MFN2: variants seen among roughly 807,000 people sequenced by gnomAD.
MFN2 encodes mitofusin 2, also known as mitofusin-2.
MFN2 carries 43 observed loss-of-function variants against 87.5 expected under a neutral mutation model. That is an observed-to-expected ratio of 0.49 (90% CI 0.38 to 0.63). The LOEUF is 0.63. MFN2 is among the 30% of genes least tolerant of loss of function. The pLI is 0.00. For missense variants in MFN2, 743 were observed against 972.8 expected (o/e 0.76, Z 3.14); for synonymous variants, 337 against 359.9 (o/e 0.94, Z 0.72).
At position 12,005,792 on chromosome 1, in the gene MFN2, A is replaced by G. The variant is rs760184781; in HGVS notation, c.1577A>G (p.Tyr526Cys). The change falls in exon 15 of 19, where the codon TAT (tyrosine) becomes TGT (cysteine). Residue 526 changes from tyrosine (Y) to cysteine (C), a missense_variant. Coordinates refer to ENST00000235329, the MANE Select transcript of MFN2 (RefSeq NM_014874.4). ...CCACGCCAGTGCTTCTCCCTCAACT[A>G]TGACCTAAACTGTGACAAGCTGTGT... ...LVPRQCFSLN[Y>C]DLNCDKLCAD... is the part of the protein sequence containing the mutation. The G allele has an allele frequency of 3.7e-6, 6 of 1,614,150 alleles. No homozygotes were observed. The highest frequency in any genetic ancestry group is 1.7e-5 in the Admixed American group (1 of 60,016).
intron 2 of MFN2, among the ~76,000 whole-genome samples, chr1:11,983,982 C>CG (rs1275167226): frequency 6.6e-6 from 1 of 152,132 alleles, no homozygotes; most frequent in Non-Finnish European, 1.5e-5. Context: ...GTAGGTTTTA[C>CG]GCCAGGGGTT....
Position 12,004,200 on chromosome 1 carries a change from G to T in MFN2, c.1287+82G>T. 1 of 1,567,980 alleles carries T rather than the reference G, an allele frequency of 6.4e-7. No individual in the cohort carries two copies. Among genetic ancestry groups the T allele is most frequent in the Non-Finnish European group, 8.7e-7 (1 of 1,146,166 alleles). ...AGAAAGCAGACCTCCTCCTCTTAGG[G>T]ACTTCTCAGCCTTTCAGAAGAAAGT... On this transcript the variant is annotated intron_variant, in intron 12 of 18. Coordinates refer to ENST00000235329, the MANE Select transcript of MFN2 (RefSeq NM_014874.4). This position sits in a 1 kb window ranked among gnomAD's most constrained non-coding sequence, Gnocchi z 4.2.
chr1:11,983,330 C>T (rs1266227647), intron 2 of MFN2, among the ~76,000 whole-genome samples: 1 of 152,196 alleles, frequency 6.6e-6, no homozygotes, highest in African/African-American at 2.4e-5. Context: ...CTCGGCCTCC[C>T]AGAGTGCTGG....
chr1:11,992,713 C>G (rs764750806), intron 4 of MFN2, 23 bp downstream of exon 4: 1 of 1,614,158 alleles, frequency 6.2e-7, no homozygotes, highest in Non-Finnish European at 8.5e-7. Context: ...GGCACCCACC[C>G]TTTCTTTCTT....
chr1:12,006,731 G>A, intron 16 of MFN2, 38 bp downstream of exon 16: 1 of 1,613,100 alleles, frequency 6.2e-7, no homozygotes, highest in Non-Finnish European at 8.5e-7. Flanking sequence ...TGGGGGCGGA[G>A]GGCAGGTGGG....
intron 17 of MFN2, among the ~76,000 whole-genome samples, chr1:12,008,321 G>T (rs1156484311): frequency 1.3e-5 from 2 of 152,106 alleles, no homozygotes; most frequent in African/African-American, 4.8e-5. Context: ...CCCAGAAGGG[G>T]TGGTTGGGCA....
At chr1:12,011,451 C>A (rs1263104563) in intron 18 of MFN2, 45 bp from the exon 19 acceptor site, 1 of 1,603,302 alleles carries the variant, frequency 6.2e-7, no homozygotes, top group African/African-American at 1.3e-5. Context: ...CCTAATACTG[C>A]CTATCATCAG....
chr1:12,003,923 G>A lies in MFN2; in HGVS notation c.1161-69G>A, dbSNP rs1252546774. On this transcript the variant is annotated intron_variant, in intron 11 of 18. Coordinates refer to ENST00000235329, the MANE Select transcript of MFN2 (RefSeq NM_014874.4). This position sits in a 1 kb window ranked among gnomAD's most constrained non-coding sequence, Gnocchi z 4.1. ...GCGGGCAGGGCGGCGTGGGATTTCT[G>A]GCATCCCCTCTTGCTCCTCTGCTTA... is the stretch of plus-strand genomic sequence containing the variant. 2 of 1,606,672 alleles carry A rather than the reference G, an allele frequency of 1.2e-6. No homozygotes were observed. Among genetic ancestry groups the A allele is most frequent in the Admixed American group, 1.7e-5 (1 of 59,918 alleles).
intron 2 of MFN2, among the ~76,000 whole-genome samples, chr1:11,988,078 TAGTTTTTG>T (rs1010670364): frequency 1.1e-5 from 1 of 89,268 alleles, no homozygotes; most frequent in African/African-American, 4.9e-5. Context: ...AATAGACCAA[TAGTTTTTG>T]TGTGTGTGTG....
In MFN2 at chr1:11,998,770, C is replaced by T. The variant is rs2100831560; in HGVS notation, c.600C>T (p.Ser200=). Residue 200 remains serine, a splice_region_variant and synonymous_variant, in exon 7 of 19, where the codon AGC becomes AGT. Transcript: ENST00000235329. ...LLKDDLVLMD[S]PGIDVTTELD... ...TTTGGTTTACCCCTGTCACCTTTAG[C>T]CCTGGTATTGATGTCACCACAGAGC... 2 of 1,613,994 alleles carry T rather than the reference C, an allele frequency of 1.2e-6. No individual in the cohort carries two copies. Among genetic ancestry groups the T allele is most frequent in the South Asian group, 1.1e-5 (1 of 91,076 alleles).
intron 18 of MFN2, 129 bp from the exon 19 acceptor site, chr1:12,011,367 G>A (rs1325827769): frequency 3.1e-6 from 3 of 972,740 alleles, no homozygotes; most frequent in Non-Finnish European, 4.9e-6. Flanking sequence ...TGTGAGACAG[G>A]GATAAACACG....
rs761745930 is a variant in MFN2, at chr1:12,004,472, T to C, written c.1288-37T>C. 4.6e-5 allele frequency: 73 copies of C among 1,584,620 alleles called. No homozygotes were observed. In the South Asian group the frequency reaches 5.2e-4, roughly 11 times the overall value. On this transcript the variant is annotated intron_variant, in intron 12 of 18. Coordinates refer to ENST00000235329, the MANE Select transcript of MFN2 (RefSeq NM_014874.4). The surrounding 1 kb of genome is among the most constrained non-coding windows in gnomAD (Gnocchi z 4.2). The stretch of plus-strand genomic sequence containing the variant: ...GTGCTGCAGGAGTGAACTTTGGTCT[T>C]CCTTGATACTTAACAGTGTGCTTCC...
At chr1:11,987,768 G>A (rs1168355650) in intron 2 of MFN2, among the ~76,000 whole-genome samples, 1 of 151,952 alleles carries the variant, frequency 6.6e-6, no homozygotes, top group Non-Finnish European at 1.5e-5. Context: ...GGCAACATAA[G>A]AAGACCCTGT....
rs988111658 is a variant in MFN2, at chr1:12,007,120, A to G, written c.1940A>G (p.Tyr647Cys). Reference protein sequence around the residue: ...SFGLYGLLYVYERLTWTTKAK... With the variant: ...SFGLYGLLYVCERLTWTTKAK... Reference sequence around the variant, plus strand: ...GGGCTCTATGGCCTCCTCTACGTCTATGAGCGTCTGACCTGGACCACCAAG... The same window carrying G: ...GGGCTCTATGGCCTCCTCTACGTCTGTGAGCGTCTGACCTGGACCACCAAG... The change falls in exon 17 of 19, where the codon TAT becomes TGT. Residue 647 changes from tyrosine to cysteine, a missense_variant. Tyr to Cys is a radical substitution (Grantham distance 194). Around this residue, in one of 3 missense-constraint regions of MFN2, gnomAD observed 571 missense variants for 670.7 expected, o/e 0.85. Coordinates refer to ENST00000235329, the MANE Select transcript of MFN2 (RefSeq NM_014874.4). The G allele has an allele frequency of 2.5e-6, 4 of 1,613,984 alleles. No individual in the cohort carries two copies. Among genetic ancestry groups the G allele is most frequent in the Non-Finnish European group, 3.4e-6 (4 of 1,180,004 alleles).
intron 2 of MFN2, among the ~76,000 whole-genome samples, chr1:11,983,994 G>A (rs1638277455): frequency 6.6e-6 from 1 of 152,218 alleles, no homozygotes; most frequent in Admixed American, 6.5e-5. Context: ...CCAGGGGTTT[G>A]GATGCAGCTG....
intron 3 of MFN2, among the ~76,000 whole-genome samples, chr1:11,991,263 C>A (rs938273454): frequency 1.3e-5 from 2 of 152,186 alleles, no homozygotes; most frequent in Admixed American, 1.3e-4. Context: ...CCTCATGAGG[C>A]AGATGACACA....
At chr1:11,985,306 T>C (rs1275194625) in intron 2 of MFN2, among the ~76,000 whole-genome samples, 1 of 152,132 alleles carries the variant, frequency 6.6e-6, no homozygotes, top group Non-Finnish European at 1.5e-5. Flanking sequence ...TCTTGTTTGT[T>C]GTACACATGA....
intron 9 of MFN2, 99 bp downstream of exon 9, chr1:12,001,653 TGC>T: frequency 1.0e-5 from 16 of 1,601,308 alleles, no homozygotes; most frequent in Non-Finnish European, 1.3e-5. Flanking sequence ...GAGAAGGGGA[TGC>T]TGAGAAGAGC....
chr1:12,011,584 T>G lies in MFN2; in HGVS notation c.*19T>G, dbSNP rs759132337. On this transcript the variant is annotated 3_prime_UTR_variant, in exon 19 of 19. Transcript: ENST00000235329. ...CAGATAGTGGGCACCTGAGGCGGAG[T>G]CTGCGTGGAGAGGGGCGGTGCTGCC... 6.2e-7 allele frequency: 1 copy of G among 1,613,114 alleles called. No homozygotes were observed. Among genetic ancestry groups the G allele is most frequent in the Non-Finnish European group, 8.5e-7 (1 of 1,179,878 alleles).
Sources: gnomAD v4.1 joint callset for allele counts (sites outside exome capture counted in the v4.1 genomes callset) on GRCh38, gnomAD v4.1.1 for gene constraint, gnomAD v4.1.1 regional missense constraint, Gnocchi (gnomAD v3.1) non-coding constraint, MANE v1.5 for transcripts, NCBI Gene and HGNC (gene_info 2026-07-23, HGNC 2026-07-21) for gene names.